The following EIPR1 variants were observed in gnomAD, a reference collection of about 807,000 sequenced individuals.
The protein encoded by EIPR1 is EARP complex and GARP complex interacting protein 1, also known as EARP and GARP complex-interacting protein 1.
A neutral mutation model predicts 48.1 loss-of-function variants in EIPR1; 25 were observed. The ratio of observed to expected loss-of-function variants is 0.52; its 90% CI spans 0.38 to 0.73. EIPR1 has a LOEUF of 0.73. Among genes scored for constraint, EIPR1 ranks in the 30% least tolerant of loss-of-function variants. EIPR1 has a pLI of 0.00. For synonymous variants in EIPR1, 204 were observed against 201.9 expected, an observed-to-expected ratio of 1.01 and a Z score of -0.09; for missense variants, 415 against 506.2, an observed-to-expected ratio of 0.82 and a Z score of 1.73.
At chr2:3,238,714 G>T (rs566580523) in intron 4 of EIPR1, among the ~76,000 whole-genome samples, 2 of 152,338 alleles carry the variant, frequency 1.3e-5, no homozygotes, top group South Asian at 4.1e-4. Flanking sequence ...TTCTGAAAGG[G>T]TTCATCTTGC....
In EIPR1 at chr2:3,312,775, G is replaced by T. The variant is rs1231074963; in HGVS notation, c.259+25242C>A. ...TTACGTTGCTTTGTCTGCCTCTGCTGGTCTGTGACATGAGCACGTCATGGC... is the reference window on the plus strand; with the variant it reads ...TTACGTTGCTTTGTCTGCCTCTGCTTGTCTGTGACATGAGCACGTCATGGC... On this transcript the variant is annotated intron_variant, in intron 3 of 8. Transcript: ENST00000382125. The surrounding 1 kb of genome is among the most constrained non-coding windows in gnomAD (Gnocchi z 5.5). Among the ~76,000 whole-genome samples the T allele has an allele frequency of 6.6e-6, 1 of 152,120 alleles. No homozygotes were observed. The highest frequency in any genetic ancestry group is 1.5e-5 in the Non-Finnish European group (1 of 68,020).
chr2:3,208,508 G>T, intron 5 of EIPR1: 1 of 1,540,508 alleles, frequency 6.5e-7, no homozygotes, highest in South Asian at 1.2e-5. Context: ...TGATGAGGAG[G>T]TCTGTGTCTG....
chr2:3,310,510 G>A (rs541841149), intron 3 of EIPR1, among the ~76,000 whole-genome samples: 5 of 144,948 alleles, frequency 3.4e-5, no homozygotes, highest in Non-Finnish European at 6.0e-5. Flanking sequence ...AAAATTAGCC[G>A]GGCGTAGTGG....
At chr2:3,365,693 C>G (rs199988922) in intron 1 of EIPR1, among the ~76,000 whole-genome samples, 24,194 of 149,752 alleles carry the variant, frequency 0.16, 2,160 homozygotes, top group Non-Finnish European at 0.2. Flanking sequence ...TGACTCTTAA[C>G]GAGCCTGCTG....
Position 3,189,638 on chromosome 2 carries a change from G to T in EIPR1, c.990-130C>A. The T allele has an allele frequency of 1.1e-6, 1 of 886,058 alleles. No individual in the cohort carries two copies. The highest frequency in any genetic ancestry group is 1.6e-6 in the Non-Finnish European group (1 of 626,768). The allele number at this position is 886,058 out of a possible 1,614,324, so 54.9% of individuals were successfully genotyped here. A position where few individuals can be genotyped will look rare whatever the true frequency, so the allele number is the denominator to read the frequency against. The stretch of plus-strand genomic sequence containing the variant: ...TGGGGCCTCAGCTTTCTCCGCTGTG[G>T]GATGGGAAGAATTAGAGGAGCCCAC... On this transcript the variant is annotated intron_variant, in intron 8 of 8. Transcript: ENST00000382125. The surrounding 1 kb of genome is among the most constrained non-coding windows in gnomAD (Gnocchi z 4.6).
At position 3,206,495 on chromosome 2, in the gene EIPR1, A is replaced by C. The variant is rs528550871; in HGVS notation, c.516+7654T>G. On this transcript the variant is annotated intron_variant, in intron 5 of 8. Transcript: ENST00000382125. ...GAAGAGTAGAGCCTTCCTGTATCAG[A>C]AAATGTACACAGGGCATCAGCTGTC... Among the ~76,000 whole-genome samples the C allele has an allele frequency of 3.9e-5, 6 of 152,358 alleles. No individual in the cohort carries two copies. The South Asian group carries it at 1.2e-3, about 32-fold the overall frequency.
chr2:3,372,860 A>C (rs1442150066), intron 1 of EIPR1, among the ~76,000 whole-genome samples: 2 of 152,162 alleles, frequency 1.3e-5, no homozygotes, highest in Non-Finnish European at 2.9e-5. Context: ...AAAAGAGGGA[A>C]TCCTCCCTAA....
chr2:3,349,498 G>A (rs1670502930), intron 2 of EIPR1, among the ~76,000 whole-genome samples: 1 of 152,262 alleles, frequency 6.6e-6, no homozygotes, highest in African/African-American at 2.4e-5. Flanking sequence ...CCAAAGAACT[G>A]CACAATACCA....
intron 3 of EIPR1, among the ~76,000 whole-genome samples, chr2:3,317,840 G>A (rs1669359998): frequency 6.6e-6 from 1 of 152,194 alleles, no homozygotes; most frequent in Non-Finnish European, 1.5e-5. Context: ...ACCGATGGCA[G>A]GCCCAGAGCA....
At chr2:3,211,757 G>A (rs994304007) in intron 5 of EIPR1, among the ~76,000 whole-genome samples, 3 of 152,200 alleles carry the variant, frequency 2.0e-5, no homozygotes, top group Non-Finnish European at 2.9e-5. Context: ...GAGGTGGAGC[G>A]AATCCTCACG....
At chr2:3,353,789 C>T (rs1223020903) in intron 2 of EIPR1, among the ~76,000 whole-genome samples, 1 of 152,098 alleles carries the variant, frequency 6.6e-6, no homozygotes, top group Non-Finnish European at 1.5e-5. Flanking sequence ...GTGACAGTTT[C>T]ACTACATCCT....
At chr2:3,216,433 C>A (rs763057627) in intron 4 of EIPR1, among the ~76,000 whole-genome samples, 6 of 152,174 alleles carry the variant, frequency 3.9e-5, no homozygotes, top group Admixed American at 3.9e-4. Context: ...ACGCAGTGTA[C>A]GTCAGCACCA....
intron 3 of EIPR1, among the ~76,000 whole-genome samples, chr2:3,285,252 T>C (rs1241988974): frequency 6.6e-6 from 1 of 151,772 alleles, no homozygotes; most frequent in Admixed American, 6.6e-5. Context: ...AAGCACACCC[T>C]GGAGCAAACC....
chr2:3,273,614 C>T (rs764064844), intron 3 of EIPR1, among the ~76,000 whole-genome samples: 6 of 152,204 alleles, frequency 3.9e-5, no homozygotes, highest in Non-Finnish European at 8.8e-5. Flanking sequence ...CTGCACTGAT[C>T]CTTACAAAAG....
chr2:3,203,855 G>A lies in EIPR1; in HGVS notation c.517-6838C>T, dbSNP rs1216975745. Reference sequence around the variant, plus strand: ...GGGCGGCCTCTGGCCAACAGCTGGAGGAATCCAGGCCCTCAGTCCAGCAGC... The same window carrying A: ...GGGCGGCCTCTGGCCAACAGCTGGAAGAATCCAGGCCCTCAGTCCAGCAGC... On this transcript the variant is annotated intron_variant, in intron 5 of 8. Coordinates refer to ENST00000382125, the MANE Select transcript of EIPR1 (RefSeq NM_003310.5). Among the ~76,000 whole-genome samples, 45 of 152,356 alleles carry A rather than the reference G, an allele frequency of 3.0e-4. 1 individual carries two copies. The highest frequency in any genetic ancestry group is 2.7e-3 in the Admixed American group (42 of 15,310).
intron 1 of EIPR1, among the ~76,000 whole-genome samples, chr2:3,355,037 TAACAACTAGAAA>T (rs1297379506): frequency 6.6e-6 from 1 of 152,156 alleles, no homozygotes; most frequent in Non-Finnish European, 1.5e-5. Context: ...CTTCTGCAGA[TAACAACTAGAAA>T]AACTAAAAGA....
intron 2 of EIPR1, among the ~76,000 whole-genome samples, chr2:3,350,303 A>T (rs1404765848): frequency 2.0e-5 from 3 of 152,046 alleles, no homozygotes; most frequent in African/African-American, 7.2e-5. Flanking sequence ...AATAGGAGAG[A>T]GCATGAAGGG....
In EIPR1 at chr2:3,305,226, A is replaced by C. The variant is rs1217343908; in HGVS notation, c.259+32791T>G. On this transcript the variant is annotated intron_variant, in intron 3 of 8. Transcript: ENST00000382125. ...CACTCCCGTCCTGTTCAGCCCTCCA[A>C]TCCCGTCCAGTTCAACCTTCCACTC... Among the ~76,000 whole-genome samples, 204 of 65,462 alleles carry C rather than the reference A, an allele frequency of 3.1e-3. 2 individuals are homozygous for C. Among genetic ancestry groups the C allele is most frequent in the African/African-American group, 8.3e-3 (133 of 16,084 alleles). 42.9% of individuals were successfully genotyped at this position (65,462 alleles called of 152,430 possible).
chr2:3,348,303 G>A (rs565780439), intron 2 of EIPR1, among the ~76,000 whole-genome samples: 189 of 152,282 alleles, frequency 1.2e-3, no homozygotes, highest in African/African-American at 4.4e-3. Context: ...AAGAGGCAAA[G>A]CCGGTCCTCT....
Sources: gnomAD v4.1 joint callset for allele counts (sites outside exome capture counted in the v4.1 genomes callset) on GRCh38, gnomAD v4.1.1 for gene constraint, Gnocchi (gnomAD v3.1) non-coding constraint, MANE v1.5 for transcripts, NCBI Gene and HGNC (gene_info 2026-07-23, HGNC 2026-07-21) for gene names.